PROS1: variants seen among roughly 807,000 people sequenced by gnomAD.
PROS1 encodes the protein vitamin K-dependent protein S.
Under a neutral mutation model 75.9 loss-of-function variants are expected in PROS1, and 29 were observed. The observed-to-expected ratio is 0.38, with a 90% CI of 0.28 to 0.52. PROS1 has a LOEUF of 0.52. Among genes scored for constraint, PROS1 ranks in the 20% least tolerant of loss-of-function variants. PROS1 has a pLI of 0.83. For synonymous variants in PROS1, 245 were observed against 280.6 expected, an observed-to-expected ratio of 0.87 and a Z score of 1.27; for missense variants, 680 against 810.3, an observed-to-expected ratio of 0.84 and a Z score of 1.95.
rs1708880842 is a variant in PROS1 at position 93,917,804 on chromosome 3, G to A, written c.259+6436C>T. 2.6e-5 allele frequency among the ~76,000 whole-genome samples: 4 copies of A among 152,162 alleles called. No homozygotes were observed. In the South Asian group the frequency reaches 8.3e-4, roughly 31 times the overall value. On this transcript the variant is annotated intron_variant, in intron 3 of 14. Transcript: ENST00000394236. The stretch of plus-strand genomic sequence containing the variant: ...TGGCGCTGCGCTTGATTTCTCGCCA[G>A]GCCTTAGCTGCCTCCCTGCAGGGCA...
intron 12 of PROS1, among the ~76,000 whole-genome samples, chr3:93,880,947 T>G (rs1708268165): frequency 6.6e-6 from 1 of 152,214 alleles, no homozygotes; most frequent in Non-Finnish European, 1.5e-5. Flanking sequence ...TAAAAAAATC[T>G]TTCATAGGCA....
chr3:93,972,451 A>C (rs1709894008), intron 1 of PROS1, among the ~76,000 whole-genome samples: 1 of 152,226 alleles, frequency 6.6e-6, no homozygotes, highest in Non-Finnish European at 1.5e-5. Context: ...TCCATCTTCA[A>C]AAAGTTTACT....
intron 12 of PROS1, among the ~76,000 whole-genome samples, chr3:93,880,957 A>T (rs933334434): frequency 6.6e-6 from 1 of 152,210 alleles, no homozygotes; most frequent in African/African-American, 2.4e-5. Context: ...TTTCATAGGC[A>T]GAACAGAACT....
At position 93,924,249 on chromosome 3, in the gene PROS1, T is replaced by G; in HGVS notation, c.250A>C (p.Lys84Gln). Residue 84 changes from lysine (K) to glutamine (Q), a missense_variant, in exon 3 of 15, where the codon AAA (lysine) becomes CAA (glutamine). Coordinates refer to ENST00000394236, the MANE Select transcript of PROS1 (RefSeq NM_000313.4). ...NDPETDYFYPKYLVCLRSFQT... is the reference protein window; with the variant it reads ...NDPETDYFYPQYLVCLRSFQT... ...GATGTTTTGAACTTACCTAAGTATTTTGGATAAAAATAATCCTAGAAAGAA... is the reference window on the plus strand; with the variant it reads ...GATGTTTTGAACTTACCTAAGTATTGTGGATAAAAATAATCCTAGAAAGAA... The G allele has an allele frequency of 7.7e-7, 1 of 1,298,522 alleles. No homozygotes were observed. The highest frequency in any genetic ancestry group is 1.1e-6 in the Non-Finnish European group (1 of 948,936). 80.4% of individuals were successfully genotyped at this position (1,298,522 alleles called of 1,614,324 possible). A position where few individuals can be genotyped will look rare whatever the true frequency, so the allele number is the denominator to read the frequency against.
chr3:93,949,125 G>T (rs191398276), intron 1 of PROS1, among the ~76,000 whole-genome samples: 2 of 152,170 alleles, frequency 1.3e-5, no homozygotes, highest in Admixed American at 1.3e-4. Flanking sequence ...AGAATACATC[G>T]CTGCTGTCCT....
intron 1 of PROS1, among the ~76,000 whole-genome samples, chr3:93,941,131 C>G (rs918755117): frequency 6.6e-6 from 1 of 152,170 alleles, no homozygotes; most frequent in African/African-American, 2.4e-5. Flanking sequence ...TCAGGGACAG[C>G]CCTCATTACT....
chr3:93,934,251 C>A (rs1553815389), intron 1 of PROS1, among the ~76,000 whole-genome samples: 1 of 151,114 alleles, frequency 6.6e-6, no homozygotes, highest in Non-Finnish European at 1.5e-5. Context: ...GCTGTATATT[C>A]AAAAATGTAT....
At chr3:93,957,905 A>G (rs1489360860) in intron 1 of PROS1, among the ~76,000 whole-genome samples, 1 of 152,088 alleles carries the variant, frequency 6.6e-6, no homozygotes, top group Non-Finnish European at 1.5e-5. Context: ...CCTGGCCAAC[A>G]TGGTGAAACC....
chr3:93,903,249 A>G (rs1370500901), intron 6 of PROS1, among the ~76,000 whole-genome samples: 1 of 152,222 alleles, frequency 6.6e-6, no homozygotes, highest in Non-Finnish European at 1.5e-5. Flanking sequence ...GCAAATGAAT[A>G]TAAGAACAGA....
intron 1 of PROS1, among the ~76,000 whole-genome samples, chr3:93,950,242 C>T (rs979451630): frequency 6.6e-6 from 1 of 152,204 alleles, no homozygotes; most frequent in Non-Finnish European, 1.5e-5. Context: ...TCTCTGTAGA[C>T]TCCACCTCTA....
At chr3:93,907,438 C>T (rs1424031940) in intron 4 of PROS1, among the ~76,000 whole-genome samples, 1 of 152,142 alleles carries the variant, frequency 6.6e-6, no homozygotes, top group Non-Finnish European at 1.5e-5. Context: ...GGCCTCCTCT[C>T]TACTGAAAGC....
At chr3:93,960,215 C>T (rs1380714245) in intron 1 of PROS1, among the ~76,000 whole-genome samples, 7 of 147,208 alleles carry the variant, frequency 4.8e-5, no homozygotes, top group African/African-American at 1.5e-4. Flanking sequence ...CTCGCTCTGT[C>T]GCCCAGGCTG....
At chr3:93,952,213 C>G (rs1709511068) in intron 1 of PROS1, among the ~76,000 whole-genome samples, 1 of 152,178 alleles carries the variant, frequency 6.6e-6, no homozygotes, top group Admixed American at 6.5e-5. Flanking sequence ...GAACTCAGCT[C>G]TGCACCAAGA....
At chr3:93,896,479 G>A (rs529970798) in intron 9 of PROS1, 97 bp downstream of exon 9, 4 of 874,106 alleles carry the variant, frequency 4.6e-6, no homozygotes, top group African/African-American at 3.3e-5. Context: ...TATCTGATAG[G>A]TAATACAATT....
chr3:93,955,496 T>C (rs1709583928), intron 1 of PROS1, among the ~76,000 whole-genome samples: 1 of 151,978 alleles, frequency 6.6e-6, no homozygotes, highest in Non-Finnish European at 1.5e-5. Context: ...AAACACTGCA[T>C]GTTCTCACTC....
chr3:93,951,891 A>G (rs1435825309), intron 1 of PROS1, among the ~76,000 whole-genome samples: 1 of 152,178 alleles, frequency 6.6e-6, no homozygotes, highest in African/African-American at 2.4e-5. Context: ...AGGAAGAGCT[A>G]CCAAGCAAAT....
chr3:93,894,207 A>G (rs1311027169), intron 9 of PROS1, among the ~76,000 whole-genome samples: 2 of 152,210 alleles, frequency 1.3e-5, no homozygotes, highest in African/African-American at 2.4e-5. Context: ...TAGAGGCACC[A>G]TTTGCAATGG....
chr3:93,923,570 T>C (rs1708973912), intron 3 of PROS1, among the ~76,000 whole-genome samples: 1 of 152,198 alleles, frequency 6.6e-6, no homozygotes, highest in Non-Finnish European at 1.5e-5. Flanking sequence ...AAACATCTTT[T>C]TCATGGATAT....
intron 1 of PROS1, among the ~76,000 whole-genome samples, chr3:93,958,275 C>G (rs775834705): frequency 6.6e-6 from 1 of 151,788 alleles, no homozygotes; most frequent in Non-Finnish European, 1.5e-5. Context: ...TTTTTTTCAT[C>G]GCAAAGGTTG....
Sources: allele counts gnomAD v4.1 joint callset (sites outside exome capture counted in the v4.1 genomes callset), GRCh38; gene constraint gnomAD v4.1.1; transcripts MANE v1.5; gene names NCBI Gene and HGNC (gene_info 2026-07-23, HGNC 2026-07-21).